The following MEIS1 variants were observed in gnomAD, a reference collection of about 807,000 sequenced individuals.
MEIS1 encodes homeobox protein Meis1.
A neutral mutation model predicts 50.8 loss-of-function variants in MEIS1; 5 were observed. The ratio of observed to expected loss-of-function variants is 0.10; its 90% confidence interval spans 0.05 to 0.21. The LOEUF (loss-of-function observed/expected upper bound fraction) is 0.21, where lower values mean the gene tolerates loss of function less well. Among genes scored for constraint, MEIS1 ranks in the 10% least tolerant of loss-of-function variants. MEIS1 has a pLI of 1.00. For synonymous variants in MEIS1, 176 were observed against 179.3 expected (o/e 0.98, Z 0.15); for missense variants, 318 against 517.3 (o/e 0.61, Z 3.74).
chr2:66,505,270 G>A (rs1354915858), intron 7 of MEIS1, among the ~76,000 whole-genome samples: 1 of 152,090 alleles, frequency 6.6e-6, no homozygotes, highest in East Asian at 1.9e-4. Flanking sequence ...AGCTGGTGTG[G>A]TGCCATGCAC....
intron 8 of MEIS1, among the ~76,000 whole-genome samples, chr2:66,544,859 A>G (rs1335040163): frequency 2.0e-5 from 3 of 152,154 alleles, no homozygotes; most frequent in Non-Finnish European, 2.9e-5. Context: ...TATGATGTGA[A>G]GAAACAACTG....
chr2:66,458,303 A>C (rs918875510), intron 6 of MEIS1, among the ~76,000 whole-genome samples: 2 of 152,156 alleles, frequency 1.3e-5, no homozygotes, highest in Admixed American at 1.3e-4. Flanking sequence ...TGAGGTGGGG[A>C]GGAACAAACC....
At chr2:66,530,655 G>T (rs1055427650) in intron 8 of MEIS1, among the ~76,000 whole-genome samples, 4 of 151,658 alleles carry the variant, frequency 2.6e-5, no homozygotes, top group African/African-American at 9.7e-5. Flanking sequence ...GGCGGAGCTT[G>T]CAGTGAGCCG....
chr2:66,472,828 C>T (rs1350086058), intron 7 of MEIS1, among the ~76,000 whole-genome samples: 1 of 152,138 alleles, frequency 6.6e-6, no homozygotes, highest in African/African-American at 2.4e-5. Flanking sequence ...GCCAGTGCCT[C>T]TGCTGTCTGA....
chr2:66,474,714 A>G (rs1672848167), intron 7 of MEIS1, among the ~76,000 whole-genome samples: 1 of 152,142 alleles, frequency 6.6e-6, no homozygotes, highest in Non-Finnish European at 1.5e-5. Flanking sequence ...CTTAACCTAA[A>G]AGCATTCTAT....
In MEIS1 at chr2:66,571,481, A is replaced by C. The variant is rs1675486670; in HGVS notation, c.*273A>C. 1 of 1,590,528 alleles carries C rather than the reference A, an allele frequency of 6.3e-7. No homozygotes were observed. The highest frequency in any genetic ancestry group is 1.3e-5 in the African/African-American group (1 of 74,384). ...CATCAAGCCCCACAGTTCTTAATAC[A>C]GGAGACCCAACAATGAGTGGACAAG... On this transcript the variant is annotated 3_prime_UTR_variant, in exon 13 of 13. Transcript: ENST00000272369.
intron 7 of MEIS1, chr2:66,509,084 G>T (rs751447897): frequency 1.7e-5 from 8 of 471,366 alleles, no homozygotes; most frequent in Non-Finnish European, 4.4e-6. Flanking sequence ...CCACATTGAG[G>T]TGACTATATC....
intron 8 of MEIS1, among the ~76,000 whole-genome samples, chr2:66,538,893 TG>T (rs1674583132): frequency 6.6e-6 from 1 of 151,940 alleles, no homozygotes; most frequent in African/African-American, 2.4e-5. Flanking sequence ...TTTTTTTTTT[TG>T]TTTGTTTGTT....
In MEIS1 at chr2:66,436,144, T is replaced by TA. The variant is rs200973434; in HGVS notation, c.12+282dup. ...TCAAACAATCATCTGGGTTTTTTTTTAAAAAAGCTAGATACCTAAAGCTGT... is the reference window on the plus strand; with the variant it reads ...TCAAACAATCATCTGGGTTTTTTTTTAAAAAAAGCTAGATACCTAAAGCTGT... On this transcript the variant is annotated intron_variant, in intron 1 of 12. Coordinates refer to ENST00000272369, the MANE Select transcript of MEIS1 (RefSeq NM_002398.3). Among the ~76,000 whole-genome samples, 759 of 152,132 alleles carry TA rather than the reference T, an allele frequency of 5.0e-3. 3 individuals carry two copies. The highest frequency in any genetic ancestry group is 6.8e-3 in the Middle Eastern group (2 of 292).
chr2:66,549,392 G>A (rs13019989), intron 9 of MEIS1, among the ~76,000 whole-genome samples: 31,547 of 151,756 alleles, frequency 0.21, 4,054 homozygotes, highest in Non-Finnish European at 0.27. Context: ...CGAGTTGTGT[G>A]GCTGCTGAGG....
Position 66,525,926 on chromosome 2 carries a change from G to C in MEIS1, c.888+13632G>C, listed in dbSNP as rs576395270. On this transcript the variant is annotated intron_variant, in intron 8 of 12. Coordinates refer to ENST00000272369, the MANE Select transcript of MEIS1 (RefSeq NM_002398.3). ...TCTGCAGATCAGGTAGCCTTTGTCA[G>C]TAAGAAAGTAACAGAATCACTCACT... Among the ~76,000 whole-genome samples, 9 of 152,364 alleles carry C rather than the reference G, an allele frequency of 5.9e-5. No homozygotes were observed. In the East Asian group the frequency reaches 1.5e-3, roughly 26 times the overall value.
chr2:66,555,121 T>G (rs1675022411), intron 9 of MEIS1, among the ~76,000 whole-genome samples: 1 of 152,216 alleles, frequency 6.6e-6, no homozygotes, highest in Non-Finnish European at 1.5e-5. Context: ...GCATTAATAA[T>G]CTATAAGTAA....
At position 66,504,315 on chromosome 2, in the gene MEIS1, C is replaced by A. The variant is rs532968310; in HGVS notation, c.743-7834C>A. 6.1e-3 allele frequency among the ~76,000 whole-genome samples: 921 copies of A among 151,930 alleles called. 8 individuals are homozygous for A. Among genetic ancestry groups the A allele is most frequent in the African/African-American group, 0.021 (883 of 41,438 alleles). On this transcript the variant is annotated intron_variant, in intron 7 of 12. Transcript: ENST00000272369. ...GTGACGCGACCTCAGCTCACTGCAGCCTCCGCCTCCTGGGTTCAAGCGATT... is the reference window on the plus strand; with the variant it reads ...GTGACGCGACCTCAGCTCACTGCAGACTCCGCCTCCTGGGTTCAAGCGATT...
At chr2:66,557,767 T>C (rs1254498514) in intron 9 of MEIS1, among the ~76,000 whole-genome samples, 1 of 152,238 alleles carries the variant, frequency 6.6e-6, no homozygotes, top group Non-Finnish European at 1.5e-5. Context: ...TTTTTGGGAA[T>C]GACAGTATAG....
At chr2:66,455,672 G>A (rs569000711) in intron 6 of MEIS1, among the ~76,000 whole-genome samples, 1 of 152,184 alleles carries the variant, frequency 6.6e-6, no homozygotes, top group Non-Finnish European at 1.5e-5. Context: ...GCTTCCTAAG[G>A]TCCCCACCCT....
At position 66,538,207 on chromosome 2, in the gene MEIS1, T is replaced by C. The variant is rs564863923; in HGVS notation, c.889-9736T>C. ...AAGAAAGAAAAGCAGAATAACACAGTAATTAAAAGCATAGGCTGTGCAATT... is the reference window on the plus strand; with the variant it reads ...AAGAAAGAAAAGCAGAATAACACAGCAATTAAAAGCATAGGCTGTGCAATT... On this transcript the variant is annotated intron_variant, in intron 8 of 12. Coordinates refer to ENST00000272369, the MANE Select transcript of MEIS1 (RefSeq NM_002398.3). 3.9e-5 allele frequency among the ~76,000 whole-genome samples: 6 copies of C among 152,318 alleles called. No individual in the cohort carries two copies. In the South Asian group the frequency reaches 1.2e-3, roughly 32 times the overall value.
intron 6 of MEIS1, among the ~76,000 whole-genome samples, chr2:66,461,079 C>T (rs996410882): frequency 2.0e-5 from 3 of 152,060 alleles, no homozygotes; most frequent in Non-Finnish European, 4.4e-5. Flanking sequence ...AATTTAAAAC[C>T]ATGACTAAGG....
At chr2:66,473,397 A>AAAAAAAAATATATATATATATATATATAT in intron 7 of MEIS1, among the ~76,000 whole-genome samples, 1 of 107,594 alleles carries the variant, frequency 9.3e-6, no homozygotes, top group African/African-American at 5.8e-5. Context: ...AAAAAAAAAA[A>AAAAAAAAATATATATATATATATATATAT]ATATATATAT....
At chr2:66,478,663 GT>G (rs997416282) in intron 7 of MEIS1, among the ~76,000 whole-genome samples, 3 of 152,210 alleles carry the variant, frequency 2.0e-5, no homozygotes, top group Non-Finnish European at 4.4e-5. Context: ...CAAATGGAGT[GT>G]TTTTGAATGT....
Sources: gnomAD v4.1 joint callset for allele counts (sites outside exome capture counted in the v4.1 genomes callset) on GRCh38, gnomAD v4.1.1 for gene constraint, MANE v1.5 for transcripts, NCBI Gene and HGNC (gene_info 2026-07-23, HGNC 2026-07-21) for gene names.